Variants in ARID2 observed in about 807,000 individuals in gnomAD.
The protein encoded by ARID2 is AT-rich interaction domain 2, also known as AT-rich interactive domain-containing protein 2.
In ARID2, 32 loss-of-function variants were observed where a neutral mutation model predicts 184.6. That is an observed-to-expected ratio of 0.17 (90% CI 0.13 to 0.23). ARID2 has a LOEUF of 0.23. ARID2 is among the 10% of genes least tolerant of loss of function. The probability of loss-of-function intolerance (pLI) is 1.00; values close to 1 mark genes in which losing one functional copy is unlikely to be tolerated. For missense variants in ARID2, 1,696 were observed against 2,197.6 expected (o/e 0.77, Z 4.56); for synonymous variants, 836 against 772.6 (o/e 1.08, Z -1.36).
chr12:45,847,024 T>G, intron 12 of ARID2, 87 bp downstream of exon 12: 1 of 1,195,498 alleles, frequency 8.4e-7, no homozygotes, highest in Non-Finnish European at 1.2e-6. Flanking sequence ...ACATCCAGAA[T>G]GTTTTGTTCT....
Position 45,851,930 on chromosome 12 carries a change from G to T in ARID2, c.3807G>T (p.Pro1269=). The change falls in exon 15 of 21, where the codon CCG becomes CCT. Residue 1269 remains proline, a synonymous_variant. Coordinates refer to ENST00000334344, the MANE Select transcript of ARID2 (RefSeq NM_152641.4). The part of the protein sequence containing the change: ...HERKIEVMEN[P]SCRRGATNTS... ...GTAAAATTGAAGTCATGGAGAACCC[G>T]TCCTGCCGACGAGGAGCCACAAACA... is the stretch of plus-strand genomic sequence containing the variant. 2 of 1,614,160 alleles carry T rather than the reference G, an allele frequency of 1.2e-6. No individual in the cohort carries two copies. Among genetic ancestry groups the T allele is most frequent in the Non-Finnish European group, 1.7e-6 (2 of 1,180,014 alleles).
Position 45,864,522 on chromosome 12 carries a change from G to GA in ARID2, c.4922+3585dup, listed in dbSNP as rs1165687093. ...TTTTTTTTCTTTGCAAGTTTTTGTT[G>GA]AAAAAAAAAAAACAGGTTAATTTGT... On this transcript the variant is annotated intron_variant, in intron 16 of 20. Transcript: ENST00000334344. 7.8e-3 allele frequency among the ~76,000 whole-genome samples: 1,061 copies of GA among 135,968 alleles called. 4 individuals are homozygous for GA. The highest frequency in any genetic ancestry group is 0.023 in the African/African-American group (832 of 36,714). 89.2% of individuals were successfully genotyped at this position (135,968 alleles called of 152,430 possible). A position where few individuals can be genotyped will look rare whatever the true frequency, so the allele number is the denominator to read the frequency against.
intron 16 of ARID2, among the ~76,000 whole-genome samples, chr12:45,887,863 T>A (rs983790011): frequency 3.3e-5 from 5 of 151,974 alleles, no homozygotes; most frequent in African/African-American, 9.7e-5. Flanking sequence ...AGTGAAGGAG[T>A]TAACCAGGGA....
At position 45,852,634 on chromosome 12, in the gene ARID2, G is replaced by A. The variant is rs778810498; in HGVS notation, c.4511G>A (p.Arg1504Gln). ...SHSPALSSDV[R>Q]STNGTAECKT... Reference sequence around the variant, plus strand: ...TCTCCTGCCCTATCATCTGACGTTCGGTCTACAAATGGCACAGCAGAATGC... The same window carrying A: ...TCTCCTGCCCTATCATCTGACGTTCAGTCTACAAATGGCACAGCAGAATGC... The change falls in exon 15 of 21, where the codon CGG (arginine) becomes CAG (glutamine). Residue 1504 changes from arginine to glutamine, a missense_variant. By Grantham distance (43) the Arg-to-Gln change is conservative. Around this residue, in one of 11 missense-constraint regions of ARID2, gnomAD observed 428 missense variants for 409.1 expected, o/e 1.05. Coordinates refer to ENST00000334344, the MANE Select transcript of ARID2 (RefSeq NM_152641.4). 65 of 1,613,948 alleles carry A rather than the reference G, an allele frequency of 4.0e-5. No homozygotes were observed. Among genetic ancestry groups the A allele is most frequent in the Admixed American group, 1.7e-4 (10 of 59,978 alleles).
intron 3 of ARID2, among the ~76,000 whole-genome samples, chr12:45,793,226 G>A (rs754771917): frequency 1.3e-4 from 20 of 151,950 alleles, no homozygotes; most frequent in Non-Finnish European, 2.2e-4. Flanking sequence ...CTTGAACCCC[G>A]GAAGCAGAGG....
intron 15 of ARID2, among the ~76,000 whole-genome samples, chr12:45,854,321 C>G (rs1943606630): frequency 6.6e-6 from 1 of 152,002 alleles, no homozygotes; most frequent in Admixed American, 6.6e-5. Context: ...CTTGTATCAC[C>G]CCAAAACCAT....
At chr12:45,871,901 G>GCT (rs1943931747) in intron 16 of ARID2, among the ~76,000 whole-genome samples, 1 of 152,156 alleles carries the variant, frequency 6.6e-6, no homozygotes, top group African/African-American at 2.4e-5. Context: ...TGAGCATAGA[G>GCT]ATATTTCTGT....
At chr12:45,730,650 C>G (rs938457279) in intron 2 of ARID2, among the ~76,000 whole-genome samples, 5 of 152,030 alleles carry the variant, frequency 3.3e-5, no homozygotes, top group Non-Finnish European at 5.9e-5. Context: ...GCCGGGGGCA[C>G]AGCCTCGGCC....
intron 3 of ARID2, among the ~76,000 whole-genome samples, chr12:45,741,277 C>G (rs1941250010): frequency 6.6e-6 from 1 of 152,142 alleles, no homozygotes. Context: ...TGGCTCATTG[C>G]AGCCTTGACC....
intron 15 of ARID2, among the ~76,000 whole-genome samples, chr12:45,853,716 C>G (rs1306217306): frequency 6.6e-6 from 1 of 152,196 alleles, no homozygotes; most frequent in Admixed American, 6.5e-5. Context: ...TCCTACATAG[C>G]CAGAACCTTC....
At chr12:45,836,524 A>G (rs2138124652) in intron 6 of ARID2, 65 bp from the exon 7 acceptor site, 4 of 1,454,348 alleles carry the variant, frequency 2.8e-6, no homozygotes, top group Non-Finnish European at 3.7e-6. Context: ...CCTGTGTGTG[A>G]CTATTTCTAA....
chr12:45,900,143 C>G (rs1325973954), intron 20 of ARID2, among the ~76,000 whole-genome samples: 2 of 152,098 alleles, frequency 1.3e-5, no homozygotes, highest in East Asian at 1.9e-4. Context: ...TCATTTCAAC[C>G]TTTGCCTCCC....
chr12:45,733,382 A>G (rs1941039235), intron 3 of ARID2, among the ~76,000 whole-genome samples: 1 of 152,226 alleles, frequency 6.6e-6, no homozygotes, highest in Non-Finnish European at 1.5e-5. Flanking sequence ...AGTAACAGCA[A>G]TTCTATTACC....
In ARID2 at chr12:45,892,042, C is replaced by G. The variant is rs1944308198; in HGVS notation, c.5093C>G (p.Ala1698Gly). The G allele has an allele frequency of 4.3e-6, 7 of 1,614,080 alleles. No homozygotes were observed. The highest frequency in any genetic ancestry group is 5.9e-6 in the Non-Finnish European group (7 of 1,179,984). ...DKHCSKDALL[A>G]GLKQDEPGQA... ...CACTGTTCAAAGGATGCCCTACTTG[C>G]AGGATTAAAACAAGATGAACCAGGA... The change falls in exon 18 of 21, where the codon GCA becomes GGA. Residue 1698 changes from alanine to glycine, a missense_variant. Ala to Gly is a moderately conservative substitution (Grantham distance 60, BLOSUM62 0). Transcript: ENST00000334344.
At chr12:45,751,514 G>A (rs957387807) in intron 3 of ARID2, among the ~76,000 whole-genome samples, 1 of 152,208 alleles carries the variant, frequency 6.6e-6, no homozygotes, top group Non-Finnish European at 1.5e-5. Context: ...GTGTATAGAT[G>A]TTGCATGCTC....
chr12:45,781,142 C>T (rs1177691987), intron 3 of ARID2, among the ~76,000 whole-genome samples: 1 of 151,258 alleles, frequency 6.6e-6, no homozygotes, highest in Non-Finnish European at 1.5e-5. Flanking sequence ...AAACAACAAA[C>T]ATTTATTATC....
At chr12:45,779,115 A>G (rs879447199) in intron 3 of ARID2, among the ~76,000 whole-genome samples, 7 of 151,960 alleles carry the variant, frequency 4.6e-5, no homozygotes, top group Non-Finnish European at 7.4e-5. Flanking sequence ...CTTTAATGTT[A>G]TAAATTTTGT....
chr12:45,794,894 T>A (rs1054949150), intron 3 of ARID2, among the ~76,000 whole-genome samples: 3 of 152,200 alleles, frequency 2.0e-5, no homozygotes, highest in African/African-American at 7.2e-5. Context: ...TATTTTTGTC[T>A]TGAGTAACTT....
chr12:45,852,923 C>G (rs1312550066), intron 15 of ARID2, 27 bp downstream of exon 15: 1 of 1,517,516 alleles, frequency 6.6e-7, no homozygotes, highest in Admixed American at 2.2e-5. Flanking sequence ...TCACATTTCT[C>G]TTATGAAATT....
Sources: gnomAD v4.1 joint callset for allele counts (sites outside exome capture counted in the v4.1 genomes callset) on GRCh38, gnomAD v4.1.1 for gene constraint, gnomAD v4.1.1 regional missense constraint, MANE v1.5 for transcripts, NCBI Gene and HGNC (gene_info 2026-07-23, HGNC 2026-07-21) for gene names.